The following ULK4 variants were observed in gnomAD, a reference collection of about 807,000 sequenced individuals.
ULK4 encodes the protein inactive serine/threonine-protein kinase ULK4.
In ULK4, 133 loss-of-function variants were observed where a neutral mutation model predicts 160.6. That is an observed-to-expected ratio of 0.83 (90% confidence interval 0.72 to 0.96). The LOEUF (loss-of-function observed/expected upper bound fraction) is 0.96, where lower values mean the gene tolerates loss of function less well. Among genes scored for constraint, ULK4 ranks in the 40% least tolerant of loss-of-function variants. The pLI is 0.00. For synonymous variants in ULK4, 534 were observed against 539.8 expected, an observed-to-expected ratio of 0.99 and a Z score of 0.15; for missense variants, 1,580 against 1,499.5, an observed-to-expected ratio of 1.05 and a Z score of -0.89.
At chr3:41,677,463 C>G (rs529949954) in intron 29 of ULK4, among the ~76,000 whole-genome samples, 6 of 151,818 alleles carry the variant, frequency 4.0e-5, no homozygotes, top group South Asian at 2.1e-4. Context: ...TCCCGAGTAG[C>G]TAGGACTACA....
chr3:41,490,488 C>T (rs1273502507), intron 32 of ULK4, among the ~76,000 whole-genome samples: 1 of 152,158 alleles, frequency 6.6e-6, no homozygotes, highest in Admixed American at 6.5e-5. Flanking sequence ...GCCTCTGCTT[C>T]CCTCAAGGTA....
intron 7 of ULK4, among the ~76,000 whole-genome samples, chr3:41,916,769 G>A (rs1310471031): frequency 6.7e-6 from 1 of 148,890 alleles, no homozygotes; most frequent in Non-Finnish European, 1.5e-5. Flanking sequence ...GTGCAATGGA[G>A]CGATCTCAGT....
chr3:41,937,181 G>A (rs917566097), intron 3 of ULK4: 8 of 459,098 alleles, frequency 1.7e-5, no homozygotes, highest in African/African-American at 1.6e-4. Flanking sequence ...GTTTTGGTGG[G>A]TGACGTGCAG....
At chr3:41,267,099 T>C (rs1575374016) in intron 35 of ULK4, among the ~76,000 whole-genome samples, 2 of 148,948 alleles carry the variant, frequency 1.3e-5, no homozygotes, top group African/African-American at 4.9e-5. Flanking sequence ...GTTGGTTACA[T>C]AGGTATACGT....
chr3:41,667,349 G>C (rs1234452733), intron 29 of ULK4, among the ~76,000 whole-genome samples: 1 of 152,016 alleles, frequency 6.6e-6, no homozygotes, highest in African/African-American at 2.4e-5. Flanking sequence ...AAAAATGAAG[G>C]GCAAAATTCA....
chr3:41,754,555 G>A, intron 21 of ULK4, 67 bp from the exon 22 acceptor site: 1 of 1,518,832 alleles, frequency 6.6e-7, no homozygotes, highest in Non-Finnish European at 9.0e-7. Flanking sequence ...AATTCTCAGA[G>A]TGAACAGACT....
At chr3:41,322,835 T>C (rs2080270171) in intron 35 of ULK4, among the ~76,000 whole-genome samples, 1 of 152,148 alleles carries the variant, frequency 6.6e-6, no homozygotes, top group South Asian at 2.1e-4. Context: ...AAAATTATGG[T>C]GAGAACAAGG....
chr3:41,896,867 C>T lies in ULK4; in HGVS notation c.1485G>A (p.Val495=). The change falls in exon 15 of 37, where the codon GTG becomes GTA. Residue 495 remains valine, a synonymous_variant. Transcript: ENST00000301831. The part of the protein sequence containing the change: ...KLNLLCYLCV[V]AGHQEVATRL... ...TGGTGGCCACCTCCTGGTGACCAGC[C>T]ACCACGCACAAATAGCAAAGGAGAT... 1.2e-6 allele frequency: 2 copies of T among 1,613,330 alleles called. No homozygotes were observed. The highest frequency in any genetic ancestry group is 1.7e-5 in the Admixed American group (1 of 60,006).
chr3:41,826,037 G>A (rs2041335701), intron 18 of ULK4, among the ~76,000 whole-genome samples: 1 of 152,186 alleles, frequency 6.6e-6, no homozygotes, highest in Non-Finnish European at 1.5e-5. Context: ...TTTCAACCCA[G>A]AATTTCATAT....
intron 35 of ULK4, among the ~76,000 whole-genome samples, chr3:41,251,821 T>C (rs1198056240): frequency 6.6e-6 from 1 of 152,184 alleles, no homozygotes; most frequent in Non-Finnish European, 1.5e-5. Context: ...TAGGCAGTTT[T>C]AGGCCAGATA....
chr3:41,808,369 G>C (rs2040717211), intron 19 of ULK4, among the ~76,000 whole-genome samples: 2 of 152,250 alleles, frequency 1.3e-5, no homozygotes, highest in Middle Eastern at 3.4e-3. Context: ...TTAGCAGCTG[G>C]GTTGGAAAGG....
At chr3:41,671,670 T>C (rs1004771673) in intron 29 of ULK4, among the ~76,000 whole-genome samples, 14 of 152,070 alleles carry the variant, frequency 9.2e-5, no homozygotes, top group South Asian at 2.1e-4. Context: ...GGGAGAGATT[T>C]TATAGCTAAG....
At chr3:41,492,993 C>T (rs1033495034) in intron 32 of ULK4, among the ~76,000 whole-genome samples, 3 of 137,416 alleles carry the variant, frequency 2.2e-5, no homozygotes, top group African/African-American at 5.4e-5. Context: ...ACTTTAACAC[C>T]CCACTGTCAA....
chr3:41,261,418 GA>G, intron 35 of ULK4, among the ~76,000 whole-genome samples: 1 of 152,268 alleles, frequency 6.6e-6, no homozygotes, highest in African/African-American at 2.4e-5. Flanking sequence ...GTGGCACTGA[GA>G]TTTAACCCAG....
intron 19 of ULK4, among the ~76,000 whole-genome samples, chr3:41,804,420 C>T (rs539773094): frequency 4.0e-5 from 6 of 151,892 alleles, no homozygotes; most frequent in Non-Finnish European, 8.8e-5. Context: ...AATTTTCTCC[C>T]ATTTTGTAGG....
At chr3:41,735,546 A>C (rs529583029) in intron 22 of ULK4, among the ~76,000 whole-genome samples, 1 of 152,208 alleles carries the variant, frequency 6.6e-6, no homozygotes, top group Admixed American at 6.5e-5. Flanking sequence ...TTACTGGAAT[A>C]ACATGTAAAT....
intron 35 of ULK4, among the ~76,000 whole-genome samples, chr3:41,271,674 G>A (rs375596239): frequency 6.6e-5 from 10 of 152,070 alleles, no homozygotes; most frequent in South Asian, 6.2e-4. Context: ...GATTACAGGC[G>A]TGAGCCACTG....
At chr3:41,932,089 G>A in intron 4 of ULK4, 83 bp from the exon 5 acceptor site, 1 of 1,221,630 alleles carries the variant, frequency 8.2e-7, no homozygotes, top group East Asian at 2.6e-5. Context: ...TTGTACTAAA[G>A]AACTTTTCAG....
chr3:41,867,624 G>A (rs1356723152), intron 17 of ULK4, among the ~76,000 whole-genome samples: 4 of 152,132 alleles, frequency 2.6e-5, no homozygotes, highest in Non-Finnish European at 4.4e-5. Context: ...TGATCTGCCC[G>A]CCTCAACCTC....
Sources: allele counts gnomAD v4.1 joint callset (sites outside exome capture counted in the v4.1 genomes callset), GRCh38; gene constraint gnomAD v4.1.1; transcripts MANE v1.5; gene names NCBI Gene and HGNC (gene_info 2026-07-23, HGNC 2026-07-21).